The following TBC1D12 variants were observed in gnomAD, a reference collection of about 807,000 sequenced individuals.
The protein encoded by TBC1D12 is TBC1 domain family, member 12.
In TBC1D12, 56 loss-of-function variants were observed where a neutral mutation model predicts 86.7. That is an observed-to-expected ratio of 0.65 (90% CI 0.52 to 0.81). The LOEUF is 0.81. TBC1D12 is among the 30% of genes least tolerant of loss of function. TBC1D12 has a pLI of 0.00. For synonymous variants in TBC1D12, 421 were observed against 411.7 expected (o/e 1.02, Z -0.27); for missense variants, 1,023 against 1,038.8 (o/e 0.98, Z 0.21).
chr10:94,521,872 T>C (rs1842162575), intron 9 of TBC1D12, 83 bp from the exon 10 acceptor site: 5 of 1,259,370 alleles, frequency 4.0e-6, no homozygotes, highest in Admixed American at 2.6e-5. Flanking sequence ...AATGTCACTG[T>C]AATTTTTCAG....
intron 9 of TBC1D12, among the ~76,000 whole-genome samples, chr10:94,513,973 C>G (rs1403802378): frequency 1.3e-5 from 2 of 150,776 alleles, no homozygotes; most frequent in Non-Finnish European, 2.9e-5. Flanking sequence ...GATTTACTCT[C>G]TGAGTGACTG....
At chr10:94,495,821 C>T (rs186192836) in intron 4 of TBC1D12, among the ~76,000 whole-genome samples, 6 of 151,866 alleles carry the variant, frequency 4.0e-5, no homozygotes, top group Admixed American at 2.0e-4. Flanking sequence ...TAGAGATTGT[C>T]GGCCAGATGC....
At chr10:94,406,505 A>G (rs545483991) in intron 1 of TBC1D12, among the ~76,000 whole-genome samples, 1 of 152,350 alleles carries the variant, frequency 6.6e-6, no homozygotes, top group East Asian at 1.9e-4. Context: ...TGTGACATTC[A>G]TCTCTGAATC....
intron 1 of TBC1D12, among the ~76,000 whole-genome samples, chr10:94,421,280 A>AT (rs1159382186): frequency 6.6e-6 from 1 of 152,066 alleles, no homozygotes; most frequent in Non-Finnish European, 1.5e-5. Context: ...ATCATGTGGT[A>AT]TTTGTCTGTC....
At chr10:94,486,496 T>G (rs1276221259) in intron 3 of TBC1D12, among the ~76,000 whole-genome samples, 1 of 152,114 alleles carries the variant, frequency 6.6e-6, no homozygotes, top group African/African-American at 2.4e-5. Context: ...TTGGTATGTT[T>G]TATTTCCATT....
intron 6 of TBC1D12, among the ~76,000 whole-genome samples, chr10:94,500,600 T>C (rs1454877733): frequency 6.6e-6 from 1 of 152,232 alleles, no homozygotes; most frequent in Non-Finnish European, 1.5e-5. Flanking sequence ...CTTCTGGGAT[T>C]CTACTTGGCA....
At chr10:94,491,043 A>G (rs1341004007) in intron 3 of TBC1D12, among the ~76,000 whole-genome samples, 2 of 152,014 alleles carry the variant, frequency 1.3e-5, no homozygotes, top group Non-Finnish European at 2.9e-5. Flanking sequence ...CTTAGGATTG[A>G]TGGACCACTG....
intron 1 of TBC1D12, among the ~76,000 whole-genome samples, chr10:94,425,575 T>G (rs2134067990): frequency 6.6e-6 from 1 of 151,984 alleles, no homozygotes; most frequent in South Asian, 2.1e-4. Flanking sequence ...AGTGGAGACA[T>G]CATAGAACTC....
chr10:94,423,927 C>G (rs891474155), intron 1 of TBC1D12, among the ~76,000 whole-genome samples: 1 of 152,120 alleles, frequency 6.6e-6, no homozygotes, highest in African/African-American at 2.4e-5. Flanking sequence ...ATGGATTCAA[C>G]CAACCTAGGA....
intron 3 of TBC1D12, among the ~76,000 whole-genome samples, chr10:94,487,774 G>A (rs2056189259): frequency 7.0e-6 from 1 of 142,750 alleles, no homozygotes; most frequent in African/African-American, 2.6e-5. Context: ...ATCGCTGACT[G>A]TGGCCTCTAT....
intron 1 of TBC1D12, among the ~76,000 whole-genome samples, chr10:94,439,679 C>A (rs1839772746): frequency 6.6e-6 from 1 of 152,106 alleles, no homozygotes; most frequent in African/African-American, 2.4e-5. Flanking sequence ...CCCTTTGGTG[C>A]CCTCTACCCA....
Position 94,507,261 on chromosome 10 carries a change from C to G in TBC1D12, c.1520-6C>G. ...CATACATTTTTGTTCTCCCCCCAAC[C>G]CCCAGAACTTTATGAAATCTTCCTC... On this transcript the variant is annotated splice_region_variant and splice_polypyrimidine_tract_variant and intron_variant, in intron 6 of 12. Coordinates refer to ENST00000225235, the MANE Select transcript of TBC1D12 (RefSeq NM_015188.2). 11 of 1,604,740 alleles carry G rather than the reference C, an allele frequency of 6.9e-6. No individual in the cohort carries two copies. The highest frequency in any genetic ancestry group is 9.3e-6 in the Non-Finnish European group (11 of 1,178,124).
chr10:94,464,587 T>G (rs1345775147), intron 2 of TBC1D12, among the ~76,000 whole-genome samples: 7 of 152,184 alleles, frequency 4.6e-5, no homozygotes, highest in Non-Finnish European at 1.0e-4. Flanking sequence ...CACCTCAGCT[T>G]CCAGAGTAGC....
At chr10:94,512,180 G>T (rs2056536222) in intron 9 of TBC1D12, among the ~76,000 whole-genome samples, 1 of 152,120 alleles carries the variant, frequency 6.6e-6, no homozygotes, top group African/African-American at 2.4e-5. Flanking sequence ...CTCCTCTGTA[G>T]ATATTTTAGT....
chr10:94,422,993 A>G (rs1337849702), intron 1 of TBC1D12, among the ~76,000 whole-genome samples: 4 of 152,196 alleles, frequency 2.6e-5, no homozygotes, highest in African/African-American at 4.8e-5. Flanking sequence ...CCAGCTACAC[A>G]GGAGTCTGAG....
intron 1 of TBC1D12, among the ~76,000 whole-genome samples, chr10:94,405,690 C>T (rs183861389): frequency 1.8e-3 from 278 of 152,274 alleles, no homozygotes; most frequent in Admixed American, 3.6e-3. Context: ...AGTTCTTGCT[C>T]TCTGCCATGC....
intron 4 of TBC1D12, among the ~76,000 whole-genome samples, chr10:94,496,264 C>T (rs2056319947): frequency 6.6e-6 from 1 of 152,072 alleles, no homozygotes; most frequent in South Asian, 2.1e-4. Context: ...ATTTATGACT[C>T]ACTTTCGTCT....
chr10:94,502,103 C>T (rs1228582340), intron 6 of TBC1D12, among the ~76,000 whole-genome samples: 4 of 151,882 alleles, frequency 2.6e-5, no homozygotes, highest in Admixed American at 6.6e-5. Flanking sequence ...GAGGCCAACG[C>T]GGGTGGATCA....
At chr10:94,473,373 GAAGAAA>G (rs2055938294) in intron 2 of TBC1D12, among the ~76,000 whole-genome samples, 1 of 146,464 alleles carries the variant, frequency 6.8e-6, no homozygotes, top group South Asian at 2.2e-4. Flanking sequence ...AAAAAAAAAA[GAAGAAA>G]AAGAAAAAAA....
Sources: allele counts gnomAD v4.1 joint callset (sites outside exome capture counted in the v4.1 genomes callset), GRCh38; gene constraint gnomAD v4.1.1; transcripts MANE v1.5; gene names NCBI Gene and HGNC (gene_info 2026-07-23, HGNC 2026-07-21).